GABRB3: variants seen among roughly 807,000 people sequenced by gnomAD.
The protein encoded by GABRB3 is gamma-aminobutyric acid type A receptor subunit beta3.
GABRB3 carries 14 observed loss-of-function variants against 52.1 expected under a neutral mutation model. That is an observed-to-expected ratio of 0.27 (90% CI 0.18 to 0.42). GABRB3 has a LOEUF of 0.42. Among genes scored for constraint, GABRB3 ranks in the 10% least tolerant of loss-of-function variants. The pLI is 1.00. For synonymous variants in GABRB3, 260 were observed against 232.3 expected, an observed-to-expected ratio of 1.12 and a Z score of -1.08; for missense variants, 307 against 609.1, an observed-to-expected ratio of 0.50 and a Z score of 5.22.
At chr15:26,675,575 A>C (rs192491581) in intron 3 of GABRB3, among the ~76,000 whole-genome samples, 1 of 152,300 alleles carries the variant, frequency 6.6e-6, no homozygotes, top group East Asian at 1.9e-4. Context: ...AGGGCTATTG[A>C]GATAGGTATA....
chr15:26,680,315 TG>T (rs1888199288), intron 3 of GABRB3, among the ~76,000 whole-genome samples: 2 of 152,290 alleles, frequency 1.3e-5, no homozygotes, highest in African/African-American at 4.8e-5. Context: ...TACATCCTAT[TG>T]GTTCTCTTTC....
intron 6 of GABRB3, among the ~76,000 whole-genome samples, chr15:26,568,954 C>T (rs1160824614): frequency 1.3e-5 from 2 of 152,082 alleles, no homozygotes; most frequent in Non-Finnish European, 2.9e-5. Flanking sequence ...CAGTGAGAAC[C>T]CAATGACCCT....
At chr15:26,622,674 A>C (rs1892530939) in intron 3 of GABRB3, among the ~76,000 whole-genome samples, 1 of 152,152 alleles carries the variant, frequency 6.6e-6, no homozygotes, top group South Asian at 2.1e-4. Context: ...CCCCTCCAGT[A>C]TTCTTTTTGC....
At chr15:26,573,099 G>T (rs1477638734) in intron 6 of GABRB3, among the ~76,000 whole-genome samples, 2 of 152,158 alleles carry the variant, frequency 1.3e-5, no homozygotes, top group Non-Finnish European at 2.9e-5. Flanking sequence ...TAATAAGCTG[G>T]TATTTCAGCA....
At chr15:26,682,181 G>A (rs1595527642) in intron 3 of GABRB3, among the ~76,000 whole-genome samples, 1 of 152,170 alleles carries the variant, frequency 6.6e-6, no homozygotes, top group African/African-American at 2.4e-5. Flanking sequence ...GAAGGCAGTG[G>A]TGACTCATCC....
chr15:26,565,510 G>A (rs959233702), intron 7 of GABRB3, among the ~76,000 whole-genome samples: 4 of 152,090 alleles, frequency 2.6e-5, no homozygotes, highest in Non-Finnish European at 2.9e-5. Context: ...AGCAACCCTA[G>A]CCAGCCCATG....
intron 3 of GABRB3, among the ~76,000 whole-genome samples, chr15:26,677,514 C>T (rs1195393362): frequency 6.6e-6 from 1 of 152,284 alleles, no homozygotes; most frequent in Non-Finnish European, 1.5e-5. Flanking sequence ...CACATATGCA[C>T]TTTACAGAAT....
intron 3 of GABRB3, among the ~76,000 whole-genome samples, chr15:26,694,347 C>T (rs1277476663): frequency 6.6e-6 from 1 of 152,160 alleles, no homozygotes; most frequent in African/African-American, 2.4e-5. Flanking sequence ...GACCTAATCA[C>T]AGAAATATAA....
intron 8 of GABRB3, among the ~76,000 whole-genome samples, chr15:26,551,229 A>G (rs1368030549): frequency 5.9e-5 from 9 of 152,230 alleles, no homozygotes; most frequent in African/African-American, 2.2e-4. Context: ...TTTAGGAAAC[A>G]GGAAGAAGAG....
intron 3 of GABRB3, among the ~76,000 whole-genome samples, chr15:26,745,050 G>A (rs1396924349): frequency 6.6e-6 from 1 of 152,078 alleles, no homozygotes; most frequent in Admixed American, 6.6e-5. Context: ...ATCCCTTGGC[G>A]AGAACAGGAG....
chr15:26,568,484 T>C (rs1486965401), intron 6 of GABRB3, among the ~76,000 whole-genome samples: 4 of 145,626 alleles, frequency 2.7e-5, no homozygotes, highest in Non-Finnish European at 6.0e-5. Context: ...TTTTCTGTCT[T>C]ATTTTGTTTT....
intron 3 of GABRB3, among the ~76,000 whole-genome samples, chr15:26,641,685 T>A (rs1384381039): frequency 6.6e-6 from 1 of 152,164 alleles, no homozygotes; most frequent in Non-Finnish European, 1.5e-5. Flanking sequence ...ACTCTACCAG[T>A]TCATGGCTGG....
intron 3 of GABRB3, among the ~76,000 whole-genome samples, chr15:26,746,803 C>T (rs1233907687): frequency 3.3e-5 from 5 of 151,926 alleles, no homozygotes; most frequent in African/African-American, 4.8e-5. Context: ...CTGGCTAACA[C>T]GGTGAAACCC....
chr15:26,694,109 A>G lies in GABRB3; in HGVS notation c.241-72575T>C, dbSNP rs1428518317. Reference sequence around the variant, plus strand: ...CCTGGGCAACATATAAAAATTAAAAAATTTTTATAAAAGAAATCATCTTAA... The same window carrying G: ...CCTGGGCAACATATAAAAATTAAAAGATTTTTATAAAAGAAATCATCTTAA... On this transcript the variant is annotated intron_variant, in intron 3 of 8. Transcript: ENST00000311550. Among the ~76,000 whole-genome samples, 5 of 152,260 alleles carry G rather than the reference A, an allele frequency of 3.3e-5. No homozygotes were observed. In the East Asian group the frequency reaches 7.7e-4, roughly 24 times the overall value.
chr15:26,657,552 A>T (rs1178224298), intron 3 of GABRB3, among the ~76,000 whole-genome samples: 1 of 152,230 alleles, frequency 6.6e-6, no homozygotes, highest in Non-Finnish European at 1.5e-5. Context: ...GCTGAAGACC[A>T]GAAAAGGGAA....
intron 3 of GABRB3, chr15:26,658,862 C>G (rs1041777472): frequency 6.6e-6 from 1 of 152,188 alleles, no homozygotes; most frequent in Non-Finnish European, 1.5e-5. Context: ...ACGGAACCCT[C>G]AAAACCATTA....
At chr15:26,589,874 T>C (rs1891128443) in intron 4 of GABRB3, among the ~76,000 whole-genome samples, 1 of 152,150 alleles carries the variant, frequency 6.6e-6, no homozygotes. Flanking sequence ...AGCTGAAGTG[T>C]GGGACTCGAG....
In GABRB3 at chr15:26,679,281, A is replaced by G. The variant is rs549468960; in HGVS notation, c.241-57747T>C. On this transcript the variant is annotated intron_variant, in intron 3 of 8. Transcript: ENST00000311550. Reference sequence around the variant, plus strand: ...ACTGAGCAATGTGGCTACACTGTCCACTGAAATCTGTTTCTGACCTCCTTA... The same window carrying G: ...ACTGAGCAATGTGGCTACACTGTCCGCTGAAATCTGTTTCTGACCTCCTTA... Among the ~76,000 whole-genome samples the G allele has an allele frequency of 5.3e-5, 8 of 152,290 alleles. No individual in the cohort carries two copies. The East Asian group carries it at 1.4e-3, about 26-fold the overall frequency.
intron 6 of GABRB3, among the ~76,000 whole-genome samples, chr15:26,574,081 T>G (rs918369529): frequency 6.6e-6 from 1 of 152,048 alleles, no homozygotes; most frequent in African/African-American, 2.4e-5. Context: ...AAAAGACAAA[T>G]AACTGAAATT....
Sources: gnomAD v4.1 joint callset for allele counts (sites outside exome capture counted in the v4.1 genomes callset) on GRCh38, gnomAD v4.1.1 for gene constraint, MANE v1.5 for transcripts, NCBI Gene and HGNC (gene_info 2026-07-23, HGNC 2026-07-21) for gene names.